The following PRCP variants were observed in gnomAD, a reference collection of about 807,000 sequenced individuals.
PRCP encodes the protein lysosomal Pro-X carboxypeptidase.
Under a neutral mutation model 54.2 loss-of-function variants are expected in PRCP, and 46 were observed. The ratio of observed to expected loss-of-function variants is 0.85; its 90% CI spans 0.67 to 1.09. PRCP has a LOEUF of 1.09. Ranked by LOEUF, PRCP falls within the 50% of genes least tolerant of loss-of-function variation. The pLI, the probability that PRCP is intolerant of heterozygous loss-of-function variation, is 0.00. For synonymous variants in PRCP, 240 were observed against 212.2 expected (o/e 1.13, Z -1.14); for missense variants, 613 against 596.8 (o/e 1.03, Z -0.28).
intron 2 of PRCP, among the ~76,000 whole-genome samples, chr11:82,857,034 C>CAAAAA (rs11388763): frequency 2.5e-5 from 3 of 119,000 alleles, no homozygotes; most frequent in Admixed American, 1.8e-4. Context: ...GCCTCTGTCT[C>CAAAAA]AAAAAAAAAA....
intron 7 of PRCP, 86 bp from the exon 8 acceptor site, chr11:82,838,660 A>G: frequency 7.3e-7 from 1 of 1,362,896 alleles, no homozygotes; most frequent in East Asian, 2.4e-5. Context: ...AATGCTGGTA[A>G]GTAGTGAAGG....
At chr11:82,895,602 G>A (rs1860101508) in intron 1 of PRCP, among the ~76,000 whole-genome samples, 1 of 152,124 alleles carries the variant, frequency 6.6e-6, no homozygotes, top group South Asian at 2.1e-4. Context: ...AAATGATTCT[G>A]TGTCACCAAA....
intron 1 of PRCP, among the ~76,000 whole-genome samples, chr11:82,877,436 A>G (rs1289148999): frequency 6.6e-6 from 1 of 152,198 alleles, no homozygotes; most frequent in Non-Finnish European, 1.5e-5. Context: ...CTCCTATCAC[A>G]GGCCTGGAGC....
chr11:82,831,660 C>T (rs1326522228), intron 8 of PRCP, among the ~76,000 whole-genome samples: 1 of 152,052 alleles, frequency 6.6e-6, no homozygotes, highest in Non-Finnish European at 1.5e-5. Context: ...TGTGAGGCAG[C>T]CTAAGGAGAG....
chr11:82,881,034 T>A (rs1859738074), intron 1 of PRCP, among the ~76,000 whole-genome samples: 1 of 152,210 alleles, frequency 6.6e-6, no homozygotes, highest in African/African-American at 2.4e-5. Context: ...ATACTCATAG[T>A]AAAGGCTTTT....
Position 82,850,870 on chromosome 11 carries a change from T to C in PRCP, c.412-365A>G, listed in dbSNP as rs139666477. Reference sequence around the variant, plus strand: ...AAAATGTCTGCCACACAGGCAAATATAAACTAAATCTAGTGGACAATTGAG... The same window carrying C: ...AAAATGTCTGCCACACAGGCAAATACAAACTAAATCTAGTGGACAATTGAG... On this transcript the variant is annotated intron_variant, in intron 3 of 8. Coordinates refer to ENST00000313010, the MANE Select transcript of PRCP (RefSeq NM_005040.4). Among the ~76,000 whole-genome samples, 218 of 152,302 alleles carry C rather than the reference T, an allele frequency of 1.4e-3. 1 individual carries two copies. The highest frequency in any genetic ancestry group is 4.6e-3 in the African/African-American group (191 of 41,556).
At chr11:82,880,741 A>C (rs1859728959) in intron 1 of PRCP, among the ~76,000 whole-genome samples, 1 of 152,214 alleles carries the variant, frequency 6.6e-6, no homozygotes, top group Admixed American at 6.5e-5. Context: ...CAAGAGCAAA[A>C]ATATTGAGAA....
At chr11:82,900,015 G>C in intron 1 of PRCP, 1 of 580,796 alleles carries the variant, frequency 1.7e-6, no homozygotes, top group South Asian at 2.1e-5. Flanking sequence ...TGAATCAAGA[G>C]TATGCAGCCA....
intron 1 of PRCP, among the ~76,000 whole-genome samples, chr11:82,860,583 A>G (rs1440836420): frequency 6.6e-6 from 1 of 152,088 alleles, no homozygotes; most frequent in Non-Finnish European, 1.5e-5. Context: ...ATTTTTTGTG[A>G]TAAGACCACT....
intron 8 of PRCP, among the ~76,000 whole-genome samples, chr11:82,834,082 T>A (rs766554615): frequency 4.0e-4 from 61 of 152,212 alleles, no homozygotes; most frequent in Non-Finnish European, 7.2e-4. Context: ...TTCTTGCCCT[T>A]CCACCTCCAG....
chr11:82,861,830 C>G (rs558934842), intron 1 of PRCP, among the ~76,000 whole-genome samples: 1 of 152,144 alleles, frequency 6.6e-6, no homozygotes, highest in South Asian at 2.1e-4. Context: ...GGATTGGATC[C>G]TAGTTTGAAC....
chr11:82,854,368 G>A (rs1212870816), intron 2 of PRCP, among the ~76,000 whole-genome samples: 3 of 151,970 alleles, frequency 2.0e-5, no homozygotes, highest in African/African-American at 4.8e-5. Flanking sequence ...TAACAATCAA[G>A]CTAACAGCCA....
intron 3 of PRCP, among the ~76,000 whole-genome samples, chr11:82,852,292 A>T (rs1858976893): frequency 6.6e-6 from 1 of 152,220 alleles, no homozygotes; most frequent in African/African-American, 2.4e-5. Flanking sequence ...TTTATTTATA[A>T]TATGAGATAG....
chr11:82,879,818 C>T (rs1859702750), intron 1 of PRCP, among the ~76,000 whole-genome samples: 1 of 152,202 alleles, frequency 6.6e-6, no homozygotes, highest in Non-Finnish European at 1.5e-5. Context: ...ACCCTGTTTG[C>T]CTGGTATCAC....
intron 2 of PRCP, among the ~76,000 whole-genome samples, chr11:82,854,004 G>A (rs1024868395): frequency 2.6e-5 from 4 of 152,030 alleles, no homozygotes; most frequent in East Asian, 1.9e-4. Flanking sequence ...GGAACATACC[G>A]CAACATAATA....
At chr11:82,886,629 T>C (rs1859869856) in intron 1 of PRCP, among the ~76,000 whole-genome samples, 1 of 152,154 alleles carries the variant, frequency 6.6e-6, no homozygotes, top group South Asian at 2.1e-4. Flanking sequence ...AAACCTTCTG[T>C]CTATTTCTGA....
intron 6 of PRCP, among the ~76,000 whole-genome samples, chr11:82,842,617 T>C (rs950891334): frequency 6.6e-6 from 1 of 152,182 alleles, no homozygotes; most frequent in Admixed American, 6.5e-5. Context: ...TATTCTTAAT[T>C]GTTTTCTTGG....
chr11:82,824,595 A>G lies in PRCP; in HGVS notation c.*311T>C. Reference sequence around the variant, plus strand: ...CAAAGAGAAATCTCTGCTTGCAGAGATACAAAGAAAGTAACTCTCCCTCTT... The same window carrying G: ...CAAAGAGAAATCTCTGCTTGCAGAGGTACAAAGAAAGTAACTCTCCCTCTT... On this transcript the variant is annotated 3_prime_UTR_variant, in exon 9 of 9. Transcript: ENST00000313010. 1 of 325,084 alleles carries G rather than the reference A, an allele frequency of 3.1e-6. No homozygotes were observed. Among genetic ancestry groups the G allele is most frequent in the Non-Finnish European group, 5.8e-6 (1 of 172,880 alleles). 20.1% of individuals were successfully genotyped at this position (325,084 alleles called of 1,614,324 possible).
At chr11:82,853,525 G>A (rs373197029) in intron 2 of PRCP, among the ~76,000 whole-genome samples, 12 of 152,258 alleles carry the variant, frequency 7.9e-5, no homozygotes, top group African/African-American at 2.4e-4. Context: ...AGTCATCCAC[G>A]TCTTTTTATC....
Sources: gnomAD v4.1 joint callset for allele counts (sites outside exome capture counted in the v4.1 genomes callset) on GRCh38, gnomAD v4.1.1 for gene constraint, MANE v1.5 for transcripts, NCBI Gene and HGNC (gene_info 2026-07-23, HGNC 2026-07-21) for gene names.